The following NRXN3 variants were observed in gnomAD, a reference collection of about 807,000 sequenced individuals.
The protein encoded by NRXN3 is neurexin 3.
Under a neutral mutation model 137.6 loss-of-function variants are expected in NRXN3, and 32 were observed. That is an observed-to-expected ratio of 0.23 (90% CI 0.18 to 0.31). The LOEUF (loss-of-function observed/expected upper bound fraction) is 0.31, where lower values mean the gene tolerates loss of function less well. NRXN3 is among the 10% of genes least tolerant of loss of function. The pLI is 1.00. For synonymous variants in NRXN3, 798 were observed against 784.5 expected (o/e 1.02, Z -0.29); for missense variants, 1,574 against 2,062.5 (o/e 0.76, Z 4.59).
At chr14:79,437,399 C>T (rs2095861857) in intron 15 of NRXN3, among the ~76,000 whole-genome samples, 2 of 151,634 alleles carry the variant, frequency 1.3e-5, no homozygotes, top group South Asian at 2.1e-4. Context: ...ACATGTTAAT[C>T]CTGAAATGTG....
chr14:79,364,721 GTAATA>G (rs1232843743), intron 15 of NRXN3, among the ~76,000 whole-genome samples: 1 of 152,130 alleles, frequency 6.6e-6, no homozygotes, highest in East Asian at 1.9e-4. Flanking sequence ...TTTTACATAT[GTAATA>G]TAAGTTGAAC....
chr14:79,432,163 T>G (rs7158379), intron 15 of NRXN3, among the ~76,000 whole-genome samples: 4,588 of 152,160 alleles, frequency 0.03, 281 homozygotes, highest in East Asian at 0.27. Context: ...CATTTCTAAA[T>G]ATGTGTCTTT....
At chr14:78,721,180 C>T (rs2098458004) in intron 8 of NRXN3, among the ~76,000 whole-genome samples, 1 of 152,200 alleles carries the variant, frequency 6.6e-6, no homozygotes, top group South Asian at 2.1e-4. Flanking sequence ...AGGTCTTGCT[C>T]AGACTATCTC....
intron 15 of NRXN3, among the ~76,000 whole-genome samples, chr14:79,353,046 A>G (rs1185148108): frequency 1.3e-5 from 2 of 152,134 alleles, no homozygotes; most frequent in Non-Finnish European, 2.9e-5. Flanking sequence ...CATGTAAAAC[A>G]TTTAACAATG....
intron 15 of NRXN3, among the ~76,000 whole-genome samples, chr14:79,192,712 A>G (rs962536481): frequency 6.6e-6 from 1 of 151,782 alleles, no homozygotes; most frequent in African/African-American, 2.4e-5. Flanking sequence ...GGGACGAATA[A>G]GGTTGACACT....
At chr14:78,308,283 CAATT>C (rs2077578313) in intron 4 of NRXN3, among the ~76,000 whole-genome samples, 2 of 152,022 alleles carry the variant, frequency 1.3e-5, no homozygotes, top group South Asian at 2.1e-4. Flanking sequence ...CTAATTCTGA[CAATT>C]AATGCTGTTC....
intron 15 of NRXN3, among the ~76,000 whole-genome samples, chr14:79,132,181 A>G (rs2057616434): frequency 1.3e-5 from 2 of 152,366 alleles, no homozygotes; most frequent in South Asian, 4.1e-4. Context: ...AGCTGTTCCT[A>G]TTCCGCCATC....
intron 15 of NRXN3, among the ~76,000 whole-genome samples, chr14:79,383,480 A>C (rs2094526014): frequency 6.6e-6 from 1 of 152,190 alleles, no homozygotes; most frequent in African/African-American, 2.4e-5. Flanking sequence ...TTTTCATGTA[A>C]GAAACAAAAT....
chr14:78,533,182 T>C (rs10129260), intron 4 of NRXN3, among the ~76,000 whole-genome samples: 101,928 of 149,060 alleles, frequency 0.68, 34,992 homozygotes, highest in East Asian at 0.72. Flanking sequence ...TCACTGCAAC[T>C]TCTGCCTCCA....
At chr14:78,363,673 C>T (rs1020319113) in intron 4 of NRXN3, among the ~76,000 whole-genome samples, 2 of 152,180 alleles carry the variant, frequency 1.3e-5, no homozygotes, top group East Asian at 3.9e-4. Context: ...GCTGGAGAAT[C>T]TGCTGTGTGT....
intron 19 of NRXN3, among the ~76,000 whole-genome samples, chr14:79,726,537 T>C (rs551092506): frequency 2.1e-4 from 32 of 152,252 alleles, no homozygotes; most frequent in African/African-American, 6.5e-4. Context: ...TTTTAATTGA[T>C]TTGTAAAGGT....
chr14:79,394,396 T>C (rs2094951793), intron 15 of NRXN3, among the ~76,000 whole-genome samples: 1 of 152,234 alleles, frequency 6.6e-6, no homozygotes, highest in Non-Finnish European at 1.5e-5. Flanking sequence ...GTTTTTCGGA[T>C]TGAGATATTA....
chr14:79,745,540 G>T (rs1034873548), intron 19 of NRXN3, among the ~76,000 whole-genome samples: 3 of 152,122 alleles, frequency 2.0e-5, no homozygotes, highest in African/African-American at 7.2e-5. Context: ...AGAGCCTGGG[G>T]AGAATCCACG....
At chr14:78,914,561 G>T (rs1011190910) in intron 10 of NRXN3, among the ~76,000 whole-genome samples, 1 of 152,044 alleles carries the variant, frequency 6.6e-6, no homozygotes, top group Non-Finnish European at 1.5e-5. Flanking sequence ...GAGTGATACA[G>T]GTGTCTGCAG....
chr14:78,268,321 G>A (rs1389768322), intron 2 of NRXN3, among the ~76,000 whole-genome samples: 1 of 151,882 alleles, frequency 6.6e-6, no homozygotes, highest in African/African-American at 2.4e-5. Flanking sequence ...ACATCTTGCT[G>A]GATGTTGTGA....
At chr14:78,471,752 C>A (rs1020640201) in intron 4 of NRXN3, among the ~76,000 whole-genome samples, 1 of 152,098 alleles carries the variant, frequency 6.6e-6, no homozygotes, top group Non-Finnish European at 1.5e-5. Flanking sequence ...TTCTGTAGAT[C>A]AGCTACCCCC....
intron 15 of NRXN3, among the ~76,000 whole-genome samples, chr14:79,178,983 T>C (rs889158723): frequency 3.3e-5 from 5 of 152,172 alleles, no homozygotes; most frequent in Non-Finnish European, 5.9e-5. Flanking sequence ...TTCTTTCTAC[T>C]AGAGGGAAGG....
intron 15 of NRXN3, among the ~76,000 whole-genome samples, chr14:79,110,625 AT>A (rs2053302768): frequency 1.3e-5 from 2 of 152,202 alleles, no homozygotes; most frequent in Non-Finnish European, 2.9e-5. Flanking sequence ...AGTTTAGTTA[AT>A]ATGATGCATT....
intron 9 of NRXN3, among the ~76,000 whole-genome samples, chr14:78,809,588 G>T (rs138087981): frequency 6.6e-6 from 1 of 152,284 alleles, no homozygotes; most frequent in Non-Finnish European, 1.5e-5. Context: ...GGGTGTTTGT[G>T]CGGTTAGCTG....
Sources: gnomAD v4.1 joint callset for allele counts (sites outside exome capture counted in the v4.1 genomes callset) on GRCh38, gnomAD v4.1.1 for gene constraint, MANE v1.5 for transcripts, NCBI Gene and HGNC (gene_info 2026-07-23, HGNC 2026-07-21) for gene names.